The following STK4 variants were observed in gnomAD, a reference collection of about 807,000 sequenced individuals.
STK4 encodes serine/threonine kinase 4, also known as serine/threonine-protein kinase 4.
In STK4, 30 loss-of-function variants were observed where a neutral mutation model predicts 64.9. The ratio of observed to expected loss-of-function variants is 0.46; its 90% CI spans 0.35 to 0.63. The LOEUF is 0.63. STK4 is among the 20% of genes least tolerant of loss of function. STK4 has a pLI of 0.01. For missense variants in STK4, 466 were observed against 598.5 expected, an observed-to-expected ratio of 0.78 and a Z score of 2.31; for synonymous variants, 177 against 199.0, an observed-to-expected ratio of 0.89 and a Z score of 0.93.
intron 10 of STK4, among the ~76,000 whole-genome samples, chr20:45,059,115 G>A (rs1368607200): frequency 6.6e-6 from 1 of 152,140 alleles, no homozygotes; most frequent in Non-Finnish European, 1.5e-5. Flanking sequence ...TTCTGTTCAT[G>A]TCTTTCACCC....
rs911026571 is a variant in STK4 at position 45,073,276 on chromosome 20, G to A, written c.1306-1742G>A. 2.0e-5 allele frequency among the ~76,000 whole-genome samples: 3 copies of A among 151,540 alleles called. No individual in the cohort carries two copies. The East Asian group carries it at 5.8e-4, about 29-fold the overall frequency. ...AAAGATGCATTTTTTTTTTCAGCCC[G>A]ACTTTCCAGCATTTACCCACACTCT... On this transcript the variant is annotated intron_variant, in intron 10 of 10. Transcript: ENST00000372806.
chr20:45,053,734 A>G (rs1361504584), intron 10 of STK4, among the ~76,000 whole-genome samples: 1 of 152,202 alleles, frequency 6.6e-6, no homozygotes, highest in East Asian at 1.9e-4. Context: ...AGAATTGAAA[A>G]GGGTCTTAAA....
At chr20:45,038,366 T>C (rs1220850986) in intron 10 of STK4, among the ~76,000 whole-genome samples, 1 of 152,094 alleles carries the variant, frequency 6.6e-6, no homozygotes, top group African/African-American at 2.4e-5. Context: ...GAGTAATAAA[T>C]TTCCTTAATG....
intron 5 of STK4, among the ~76,000 whole-genome samples, chr20:44,993,294 C>G (rs1365526333): frequency 6.6e-6 from 1 of 151,852 alleles, no homozygotes; most frequent in Admixed American, 6.6e-5. Flanking sequence ...TAGTGAACTT[C>G]TGGACTTTAT....
intron 9 of STK4, among the ~76,000 whole-genome samples, chr20:45,016,036 G>C (rs1030872268): frequency 1.3e-5 from 2 of 152,272 alleles, no homozygotes; most frequent in African/African-American, 4.8e-5. Flanking sequence ...TGCCACCCCA[G>C]GAATGCCTGA....
chr20:44,978,559 A>G lies in STK4; in HGVS notation c.233A>G (p.Gln78Arg), dbSNP rs1209193935. Residue 78 changes from glutamine (Q) to arginine (R), a missense_variant, in exon 3 of 11, where the codon CAG becomes CGG. This residue lies in a region of STK4 where 190 missense variants were observed against 289.7 expected (regional missense o/e 0.66). Transcript: ENST00000372806. ...ATAATCAAAGAAATCTCTATAATGCAGCAATGTGACAGGTAAAGGCATGTG... is the reference window on the plus strand; with the variant it reads ...ATAATCAAAGAAATCTCTATAATGCGGCAATGTGACAGGTAAAGGCATGTG... Reference protein sequence around the residue: ...QEIIKEISIMQQCDSPHVVKY... With the variant: ...QEIIKEISIMRQCDSPHVVKY... 1.2e-6 allele frequency: 2 copies of G among 1,613,812 alleles called. No homozygotes were observed. The highest frequency in any genetic ancestry group is 2.2e-5 in the East Asian group (1 of 44,882).
In STK4 at chr20:44,984,262, T is replaced by C. The variant is rs554105098; in HGVS notation, c.360+2319T>C. Among the ~76,000 whole-genome samples, 500 of 133,752 alleles carry C rather than the reference T, an allele frequency of 3.7e-3. 2 individuals are homozygous for C. The highest frequency in any genetic ancestry group is 0.013 in the African/African-American group (460 of 35,942). 87.7% of individuals were successfully genotyped at this position (133,752 alleles called of 152,430 possible). On this transcript the variant is annotated intron_variant, in intron 4 of 10. Coordinates refer to ENST00000372806, the MANE Select transcript of STK4 (RefSeq NM_006282.5). The stretch of plus-strand genomic sequence containing the variant: ...CAGGCTGGAGTGCAGTGGTGTGAAC[T>C]CGGCTCAGTGCAAGCTCCGCCTCCC...
At chr20:44,972,587 A>G (rs1300929048) in intron 2 of STK4, 1 of 153,566 alleles carries the variant, frequency 6.5e-6, no homozygotes, top group East Asian at 1.9e-4. Context: ...ACAGCTACTT[A>G]GGAGATCCAC....
Position 45,001,331 on chromosome 20 carries a change from G to A in STK4, c.1125G>A (p.Glu375=), listed in dbSNP as rs754814777. ...CCATGGTGATCAATGCAGAGGATGA[G>A]GAAGAGGAAGGAACTATGAAAAGTA... ...LGTMVINAED[E]EEEGTMKRRD... Residue 375 remains glutamate (E), a synonymous_variant, in exon 9 of 11, where the codon GAG becomes GAA. Coordinates refer to ENST00000372806, the MANE Select transcript of STK4 (RefSeq NM_006282.5). 3.1e-6 allele frequency: 5 copies of A among 1,611,180 alleles called. No individual in the cohort carries two copies. The South Asian group carries it at 4.4e-5, about 14-fold the overall frequency.
At chr20:45,069,352 G>C (rs528696659) in intron 10 of STK4, among the ~76,000 whole-genome samples, 1 of 152,230 alleles carries the variant, frequency 6.6e-6, no homozygotes, top group Admixed American at 6.5e-5. Flanking sequence ...GTGGCTCTAG[G>C]GTTGGCCCTT....
intron 9 of STK4, among the ~76,000 whole-genome samples, chr20:45,010,263 C>T (rs768098460): frequency 5.9e-5 from 9 of 152,034 alleles, no homozygotes; most frequent in Non-Finnish European, 1.2e-4. Context: ...GATGGGGTTT[C>T]ACCATATTGG....
intron 4 of STK4, 102 bp downstream of exon 4, chr20:44,982,045 C>A: frequency 4.5e-6 from 3 of 671,576 alleles, no homozygotes; most frequent in Non-Finnish European, 2.6e-6. Flanking sequence ...AGACGACTGT[C>A]AGATTTCCCC....
At chr20:44,988,317 C>A (rs1295949825) in intron 5 of STK4, among the ~76,000 whole-genome samples, 1 of 151,498 alleles carries the variant, frequency 6.6e-6, no homozygotes, top group African/African-American at 2.4e-5. Flanking sequence ...GAGTTCGAGA[C>A]CAGCCTGGCC....
rs536860638 is a variant in STK4 at position 45,064,012 on chromosome 20, G to A, written c.1306-11006G>A. ...TTTAGGAGAGACGGGGTTTCACTGT[G>A]TTAGCCAGGATGGTCTCGATCTCTT... On this transcript the variant is annotated intron_variant, in intron 10 of 10. Transcript: ENST00000372806. Among the ~76,000 whole-genome samples, 336 of 151,948 alleles carry A rather than the reference G, an allele frequency of 2.2e-3. 1 individual carries two copies. Among genetic ancestry groups the A allele is most frequent in the Non-Finnish European group, 3.9e-3 (263 of 67,972 alleles).
At chr20:45,016,709 G>T (rs755078225) in intron 9 of STK4, among the ~76,000 whole-genome samples, 31 of 152,222 alleles carry the variant, frequency 2.0e-4, no homozygotes, top group Non-Finnish European at 4.0e-4. Flanking sequence ...AGGGCTCAAG[G>T]CCTATATATT....
intron 10 of STK4, among the ~76,000 whole-genome samples, chr20:45,057,590 A>G (rs527591237): frequency 6.6e-6 from 1 of 152,284 alleles, no homozygotes; most frequent in South Asian, 2.1e-4. Context: ...CAGTCATTGG[A>G]ATCATAGATT....
chr20:45,005,813 A>G (rs1441777412), intron 9 of STK4, among the ~76,000 whole-genome samples: 1 of 151,936 alleles, frequency 6.6e-6, no homozygotes, highest in African/African-American at 2.4e-5. Context: ...GTAGGATGTA[A>G]TGGGTAGCAA....
chr20:45,058,301 A>G (rs1978679873), intron 10 of STK4, among the ~76,000 whole-genome samples: 1 of 151,910 alleles, frequency 6.6e-6, no homozygotes, highest in Admixed American at 6.6e-5. Context: ...ATTACATGGG[A>G]GTACCCAGCA....
chr20:45,057,455 T>G (rs543159367), intron 10 of STK4, among the ~76,000 whole-genome samples: 2 of 152,312 alleles, frequency 1.3e-5, no homozygotes, highest in Non-Finnish European at 2.9e-5. Context: ...GAAAAGAGTT[T>G]ATGAAAATTA....
Sources: allele counts gnomAD v4.1 joint callset (sites outside exome capture counted in the v4.1 genomes callset), GRCh38; gene constraint gnomAD v4.1.1; regional missense constraint gnomAD v4.1.1; transcripts MANE v1.5; gene names NCBI Gene and HGNC (gene_info 2026-07-23, HGNC 2026-07-21).